The following MAD1L1 variants were observed in gnomAD, a reference collection of about 807,000 sequenced individuals.
The protein encoded by MAD1L1 is mitotic spindle assembly checkpoint protein MAD1.
MAD1L1 carries 95 observed loss-of-function variants against 96.9 expected under a neutral mutation model. That is an observed-to-expected ratio of 0.98 (90% CI 0.83 to 1.16). MAD1L1 has a LOEUF of 1.16. MAD1L1 is among the 50% of genes most tolerant of loss of function. The pLI is 0.00. For missense variants in MAD1L1, 1,007 were observed against 954.4 expected (o/e 1.06, Z -0.73); for synonymous variants, 473 against 396.6 (o/e 1.19, Z -2.29).
At chr7:2,187,023 C>A (rs1051043928) in intron 10 of MAD1L1, among the ~76,000 whole-genome samples, 1 of 151,982 alleles carries the variant, frequency 6.6e-6, no homozygotes, top group African/African-American at 2.4e-5. Flanking sequence ...GAACTCCCAA[C>A]CTCAGGTGAT....
At position 1,815,873 on chromosome 7, in the gene MAD1L1, C is replaced by T; in HGVS notation, c.*197G>A. On this transcript the variant is annotated 3_prime_UTR_variant, in exon 19 of 19. Transcript: ENST00000265854. Reference sequence around the variant, plus strand: ...CGCCCACACACCAGGCTCCGGGACGCATGGGGTCTGCACGTGGAGAGGGTG... The same window carrying T: ...CGCCCACACACCAGGCTCCGGGACGTATGGGGTCTGCACGTGGAGAGGGTG... 1 of 603,058 alleles carries T rather than the reference C, an allele frequency of 1.7e-6. No individual in the cohort carries two copies. 37.4% of individuals were successfully genotyped at this position (603,058 alleles called of 1,614,324 possible).
At chr7:2,030,199 G>A (rs1486198388) in intron 12 of MAD1L1, among the ~76,000 whole-genome samples, 2 of 152,164 alleles carry the variant, frequency 1.3e-5, no homozygotes, top group Non-Finnish European at 2.9e-5. Context: ...GCTACGCCCC[G>A]CCCCGCGCTC....
At chr7:2,195,279 C>T (rs1791928493) in intron 10 of MAD1L1, among the ~76,000 whole-genome samples, 1 of 152,160 alleles carries the variant, frequency 6.6e-6, no homozygotes, top group Non-Finnish European at 1.5e-5. Context: ...ACTAAAAATA[C>T]CTACTTTTCT....
chr7:2,037,840 TA>T (rs1303206932), intron 12 of MAD1L1, among the ~76,000 whole-genome samples: 1 of 152,098 alleles, frequency 6.6e-6, no homozygotes, highest in Non-Finnish European at 1.5e-5. Context: ...GGCCAATTAA[TA>T]ACCCTACAAC....
At chr7:2,220,793 A>G in intron 5 of MAD1L1, 1 of 1,291,606 alleles carries the variant, frequency 7.7e-7, no homozygotes, top group Non-Finnish European at 1.1e-6. Flanking sequence ...TGAAGCATCA[A>G]CCTGGGAGTC....
chr7:1,935,717 T>A (rs1301244717), intron 17 of MAD1L1, among the ~76,000 whole-genome samples: 3 of 152,094 alleles, frequency 2.0e-5, no homozygotes, highest in African/African-American at 7.2e-5. Context: ...CGATGGCAAG[T>A]AGGTGGGAAG....
chr7:2,217,941 C>T lies in MAD1L1; in HGVS notation c.678+21G>A, dbSNP rs527323227. Reference sequence around the variant, plus strand: ...GGCCACCACAGGGATGTCCACAAGGCACTGACAGGGAGTGACTCACCTTAA... The same window carrying T: ...GGCCACCACAGGGATGTCCACAAGGTACTGACAGGGAGTGACTCACCTTAA... On this transcript the variant is annotated intron_variant, in intron 7 of 18. Transcript: ENST00000265854. 1.2e-5 allele frequency: 20 copies of T among 1,600,628 alleles called. No individual in the cohort carries two copies. The Admixed American group carries it at 1.5e-4, about 12-fold the overall frequency.
At chr7:1,967,105 G>A (rs1780201105) in intron 15 of MAD1L1, among the ~76,000 whole-genome samples, 1 of 152,194 alleles carries the variant, frequency 6.6e-6, no homozygotes, top group Non-Finnish European at 1.5e-5. Context: ...GCATTTCCAT[G>A]TAGGTAGAGG....
rs1221501406 is a variant in MAD1L1, at chr7:2,219,359, A to T, written c.569T>A (p.Leu190Gln). Residue 190 changes from leucine (L) to glutamine (Q), a missense_variant, in exon 6 of 19, where the codon CTG becomes CAG. Transcript: ENST00000265854. ...VKRLESEKQE[L>Q]QEQLDLQHKK... ...GTGTTGCAGGTCCAGCTGCTCCTGC[A>T]GCTCCTGCTTCTCCGACTCCAGGCG... The T allele has an allele frequency of 6.3e-7, 1 of 1,594,378 alleles. No individual in the cohort carries two copies. The highest frequency in any genetic ancestry group is 8.5e-7 in the Non-Finnish European group (1 of 1,169,782).
At chr7:2,085,999 G>A (rs1174054345) in intron 11 of MAD1L1, among the ~76,000 whole-genome samples, 1 of 152,172 alleles carries the variant, frequency 6.6e-6, no homozygotes, top group Non-Finnish European at 1.5e-5. Context: ...CCTGGAGGAT[G>A]GTGAGACCCA....
intron 16 of MAD1L1, among the ~76,000 whole-genome samples, chr7:1,951,519 C>A (rs1012035060): frequency 2.6e-5 from 4 of 152,218 alleles, no homozygotes; most frequent in Admixed American, 6.5e-5. Context: ...GTGCGGCCAC[C>A]ACCACAGCCC....
At chr7:2,219,529 T>C in intron 5 of MAD1L1, 73 bp from the exon 6 acceptor site, 7 of 1,546,794 alleles carry the variant, frequency 4.5e-6, no homozygotes, top group Non-Finnish European at 5.3e-6. Flanking sequence ...CACATGGAGA[T>C]GAGAAGAGTG....
chr7:2,225,130 C>A (rs1425898209), intron 4 of MAD1L1, among the ~76,000 whole-genome samples: 2 of 152,232 alleles, frequency 1.3e-5, no homozygotes, highest in African/African-American at 4.8e-5. Flanking sequence ...TGCCCCACAG[C>A]ATGAGTGGCC....
intron 18 of MAD1L1, among the ~76,000 whole-genome samples, chr7:1,822,727 ATTT>A (rs146496198): frequency 8.9e-5 from 12 of 134,526 alleles, no homozygotes; most frequent in Admixed American, 1.5e-4. Context: ...CCCGGCCAGC[ATTT>A]TTTTTTTTTT....
chr7:1,870,270 TGCCTGCCACGCTGAACCGACCGTAAC>T (rs1784984172), intron 18 of MAD1L1, among the ~76,000 whole-genome samples: 2 of 109,724 alleles, frequency 1.8e-5, no homozygotes, highest in Admixed American at 1.8e-4. Flanking sequence ...ACCCAACATA[TGCCTGCCACGCTGAACCGACCGTAAC>T]ACCTGCCACG....
intron 12 of MAD1L1, 56 bp from the exon 13 acceptor site, chr7:2,014,698 G>GGAGA (rs1782456751): frequency 4.5e-6 from 7 of 1,542,932 alleles, no homozygotes; most frequent in Admixed American, 3.7e-5. Flanking sequence ...AGGTAATGAT[G>GGAGA]GAGACGGCTC....
intron 18 of MAD1L1, among the ~76,000 whole-genome samples, chr7:1,873,171 C>G (rs1454188125): frequency 1.3e-5 from 2 of 152,226 alleles, no homozygotes; most frequent in Non-Finnish European, 2.9e-5. Flanking sequence ...CTCAGTGTCC[C>G]TTTTCATAAG....
At chr7:1,955,571 G>A (rs1263053566) in intron 16 of MAD1L1, among the ~76,000 whole-genome samples, 2 of 152,210 alleles carry the variant, frequency 1.3e-5, no homozygotes, top group South Asian at 4.1e-4. Context: ...GATTACAGGC[G>A]TGAGCCACCA....
At chr7:2,091,558 A>G (rs376963390) in intron 11 of MAD1L1, among the ~76,000 whole-genome samples, 141 of 152,266 alleles carry the variant, frequency 9.3e-4, no homozygotes, top group African/African-American at 3.0e-3. Flanking sequence ...GGCGGATCAC[A>G]AGGTCAGGAG....
Sources: allele counts gnomAD v4.1 joint callset (sites outside exome capture counted in the v4.1 genomes callset), GRCh38; gene constraint gnomAD v4.1.1; transcripts MANE v1.5; gene names NCBI Gene and HGNC (gene_info 2026-07-23, HGNC 2026-07-21).